The following FHIT variants were observed in gnomAD, a reference collection of about 807,000 sequenced individuals.
FHIT encodes bis(5'-adenosyl)-triphosphatase.
In FHIT, 19 loss-of-function variants were observed where a neutral mutation model predicts 17.9. The observed-to-expected ratio is 1.06, with a 90% CI of 0.74 to 1.56. The LOEUF is 1.56. FHIT is among the 40% of genes most tolerant of loss of function. The pLI is 0.00. For missense variants in FHIT, 248 were observed against 189.2 expected, an observed-to-expected ratio of 1.31 and a Z score of -1.82; for synonymous variants, 81 against 69.7, an observed-to-expected ratio of 1.16 and a Z score of -0.81.
intron 4 of FHIT, chr3:60,690,200 T>G (rs1231932619): frequency 2.1e-6 from 1 of 485,400 alleles, no homozygotes; most frequent in Non-Finnish European, 4.0e-6. Flanking sequence ...GTCTGGTGGT[T>G]AAGATAAAAC....
chr3:60,443,374 GT>G (rs2031065471), intron 5 of FHIT, among the ~76,000 whole-genome samples: 1 of 152,096 alleles, frequency 6.6e-6, no homozygotes, highest in East Asian at 1.9e-4. Context: ...AATGCTTCCA[GT>G]TTTTGCCCAT....
intron 5 of FHIT, among the ~76,000 whole-genome samples, chr3:60,035,893 C>A (rs1277118451): frequency 6.6e-6 from 1 of 152,204 alleles, no homozygotes; most frequent in African/African-American, 2.4e-5. Context: ...GCAGTCCCAG[C>A]ATTTCAGAAG....
At chr3:59,767,012 G>T (rs755356742) in intron 8 of FHIT, among the ~76,000 whole-genome samples, 4 of 152,182 alleles carry the variant, frequency 2.6e-5, no homozygotes, top group Non-Finnish European at 5.9e-5. Context: ...TTTAAATCAA[G>T]AAAAAAGTGA....
chr3:61,082,925 A>G (rs2035185683), intron 2 of FHIT, among the ~76,000 whole-genome samples: 1 of 152,178 alleles, frequency 6.6e-6, no homozygotes, highest in Non-Finnish European at 1.5e-5. Flanking sequence ...TCCCAAGATC[A>G]GACAAGATTG....
In FHIT at chr3:60,075,494, T is replaced by A. The variant is rs535380370; in HGVS notation, c.104-61342A>T. 5.3e-5 allele frequency among the ~76,000 whole-genome samples: 8 copies of A among 152,134 alleles called. No individual in the cohort carries two copies. In the East Asian group the frequency reaches 1.5e-3, roughly 29 times the overall value. ...TAAATTTAATTCCATATTATTCGAG[T>A]GTTTGTTTAAAATGATATTTCTCAA... On this transcript the variant is annotated intron_variant, in intron 5 of 9. Coordinates refer to ENST00000492590, the MANE Select transcript of FHIT (RefSeq NM_002012.4).
At chr3:60,270,269 C>T (rs549540140) in intron 5 of FHIT, among the ~76,000 whole-genome samples, 1 of 152,288 alleles carries the variant, frequency 6.6e-6, no homozygotes, top group South Asian at 2.1e-4. Flanking sequence ...TGCTTGCCTC[C>T]CCCAGTGAGG....
intron 8 of FHIT, among the ~76,000 whole-genome samples, chr3:59,915,332 G>A (rs1010780037): frequency 6.6e-6 from 1 of 152,186 alleles, no homozygotes; most frequent in African/African-American, 2.4e-5. Context: ...TATGGATAGA[G>A]TGACACGTGA....
chr3:60,471,283 C>A (rs552913897), intron 5 of FHIT, among the ~76,000 whole-genome samples: 27 of 152,194 alleles, frequency 1.8e-4, no homozygotes, highest in Admixed American at 3.9e-4. Context: ...AGGACCAGGA[C>A]TTTCCTTGCA....
chr3:59,806,140 C>T (rs1016118432), intron 8 of FHIT, among the ~76,000 whole-genome samples: 12 of 150,688 alleles, frequency 8.0e-5, no homozygotes, highest in African/African-American at 2.2e-4. Flanking sequence ...GAGATCACAC[C>T]GCTGCACTCC....
At chr3:60,712,072 C>A (rs2041550043) in intron 4 of FHIT, among the ~76,000 whole-genome samples, 1 of 152,346 alleles carries the variant, frequency 6.6e-6, no homozygotes, top group African/African-American at 2.4e-5. Flanking sequence ...AACAGCTGAT[C>A]TCTCGGCAGA....
At chr3:60,415,497 T>A (rs573760744) in intron 5 of FHIT, among the ~76,000 whole-genome samples, 14 of 150,788 alleles carry the variant, frequency 9.3e-5, no homozygotes, top group African/African-American at 3.5e-4. Context: ...ATTATGTGAT[T>A]TGGCCTTTTA....
In FHIT at chr3:60,417,996, C is replaced by T. The variant is rs184200052; in HGVS notation, c.103+118864G>A. Among the ~76,000 whole-genome samples, 52 of 152,188 alleles carry T rather than the reference C, an allele frequency of 3.4e-4. No homozygotes were observed. The East Asian group carries it at 9.9e-3, about 29-fold the overall frequency. The stretch of plus-strand genomic sequence containing the variant: ...ACCAGGGTCTTCCTAGAAAGGACAA[C>T]GAATGTCTGAGATGTACATTTGTTT... On this transcript the variant is annotated intron_variant, in intron 5 of 9. Coordinates refer to ENST00000492590, the MANE Select transcript of FHIT (RefSeq NM_002012.4).
chr3:60,334,766 G>A (rs73103091), intron 5 of FHIT, among the ~76,000 whole-genome samples: 16,517 of 152,258 alleles, frequency 0.11, 1,160 homozygotes, highest in Non-Finnish European at 0.16. Flanking sequence ...CAGACTGGGC[G>A]ACGCCTGGGC....
intron 4 of FHIT, among the ~76,000 whole-genome samples, chr3:60,664,771 A>T: frequency 6.7e-6 from 1 of 150,316 alleles, no homozygotes; most frequent in African/African-American, 2.4e-5. Flanking sequence ...ATGAGTGTAA[A>T]GTTGTTCATA....
intron 5 of FHIT, among the ~76,000 whole-genome samples, chr3:60,456,115 A>C (rs1455536654): frequency 6.6e-6 from 1 of 152,200 alleles, no homozygotes; most frequent in South Asian, 2.1e-4. Flanking sequence ...CAATTAATCC[A>C]CATCTGATCA....
chr3:60,806,381 C>T (rs1338180056), intron 4 of FHIT, among the ~76,000 whole-genome samples: 1 of 152,222 alleles, frequency 6.6e-6, no homozygotes, highest in Non-Finnish European at 1.5e-5. Context: ...TTATCTGAAT[C>T]TTTTCTTTTG....
At chr3:60,445,191 T>A (rs2031239001) in intron 5 of FHIT, among the ~76,000 whole-genome samples, 1 of 152,090 alleles carries the variant, frequency 6.6e-6, no homozygotes, top group African/African-American at 2.4e-5. Flanking sequence ...CTCCAGAGAT[T>A]CTGATTCACT....
chr3:60,409,109 T>C (rs1701976220), intron 5 of FHIT, among the ~76,000 whole-genome samples: 1 of 152,184 alleles, frequency 6.6e-6, no homozygotes, highest in African/African-American at 2.4e-5. Flanking sequence ...CAGATTTCAT[T>C]GGATTCTTGT....
intron 5 of FHIT, among the ~76,000 whole-genome samples, chr3:60,076,334 C>T (rs765946432): frequency 2.6e-5 from 4 of 152,034 alleles, no homozygotes; most frequent in Non-Finnish European, 5.9e-5. Context: ...AGGTCCAGTA[C>T]TGTAATATTA....
Sources: allele counts gnomAD v4.1 joint callset (sites outside exome capture counted in the v4.1 genomes callset), GRCh38; gene constraint gnomAD v4.1.1; transcripts MANE v1.5; gene names NCBI Gene and HGNC (gene_info 2026-07-23, HGNC 2026-07-21).